CDKN2B-AS1: variants seen among roughly 807,000 people sequenced by gnomAD.
CDKN2B-AS1 encodes the protein CDKN2B antisense RNA 1 (non-protein coding).
At chr9:22,120,468 T>G (rs1826068877) in intron 4 of CDKN2B-AS1, 1 of 146,976 alleles carries the variant, frequency 6.8e-6, no homozygotes, top group Non-Finnish European at 1.5e-5. Context: ...CTGTCACTAT[T>G]GTAAGCACTT....
At chr9:22,124,302 T>C (rs1482166699) in intron 4 of CDKN2B-AS1, among the ~76,000 whole-genome samples, 3 of 152,166 alleles carry the variant, frequency 2.0e-5, no homozygotes, top group Admixed American at 2.0e-4. Flanking sequence ...GTAGACAAAA[T>C]GTAGAGGTAG....
chr9:21,998,375 T>C, intron 1 of CDKN2B-AS1, among the ~76,000 whole-genome samples: 1 of 152,236 alleles, frequency 6.6e-6, no homozygotes, highest in East Asian at 1.9e-4. Context: ...AAATTGGGAT[T>C]ATTACTCCTG....
intron 4 of CDKN2B-AS1, among the ~76,000 whole-genome samples, chr9:22,076,935 T>A (rs892434550): frequency 3.9e-5 from 6 of 152,180 alleles, no homozygotes; most frequent in African/African-American, 1.4e-4. Flanking sequence ...TCTGCCCACC[T>A]CAGCCTCCCA....
At chr9:22,090,807 C>A (rs1825054511) in intron 4 of CDKN2B-AS1, among the ~76,000 whole-genome samples, 1 of 152,132 alleles carries the variant, frequency 6.6e-6, no homozygotes, top group African/African-American at 2.4e-5. Context: ...GTTTCTTTTG[C>A]TGTGCAGAAG....
chr9:22,007,646 T>C (rs1587385309), intron 1 of CDKN2B-AS1, among the ~76,000 whole-genome samples: 1 of 152,166 alleles, frequency 6.6e-6, no homozygotes, highest in Non-Finnish European at 1.5e-5. Flanking sequence ...GCTTGTTTCA[T>C]TAATATTAGA....
chr9:22,008,023 G>A (rs974635439), intron 1 of CDKN2B-AS1, among the ~76,000 whole-genome samples: 1 of 152,062 alleles, frequency 6.6e-6, no homozygotes, highest in Non-Finnish European at 1.5e-5. Context: ...CAAAAGAGTT[G>A]TCCGAGATTG....
At chr9:22,051,709 AT>A (rs1823352419) in intron 3 of CDKN2B-AS1, among the ~76,000 whole-genome samples, 2 of 152,184 alleles carry the variant, frequency 1.3e-5, no homozygotes, top group Admixed American at 1.3e-4. Flanking sequence ...CTTACATTTC[AT>A]AAAAAGTTGG....
intron 4 of CDKN2B-AS1, among the ~76,000 whole-genome samples, chr9:22,081,398 G>T (rs10116277): frequency 0.62 from 93,730 of 151,772 alleles, 31,377 homozygotes; most frequent in African/African-American, 0.89. Context: ...CAGAGTGTAG[G>T]AGATTTATGA....
chr9:22,123,760 A>G (rs1364324314), intron 4 of CDKN2B-AS1, among the ~76,000 whole-genome samples: 1 of 152,184 alleles, frequency 6.6e-6, no homozygotes, highest in Non-Finnish European at 1.5e-5. Context: ...GTGTTGTTCC[A>G]GGGGACAGAA....
chr9:22,085,897 A>T (rs377139255), intron 4 of CDKN2B-AS1, among the ~76,000 whole-genome samples: 1 of 149,992 alleles, frequency 6.7e-6, no homozygotes, highest in Non-Finnish European at 1.5e-5. Flanking sequence ...ATTTCTTTGC[A>T]TCTCGTAGCC....
At chr9:22,054,057 A>G (rs1370930895) in intron 3 of CDKN2B-AS1, among the ~76,000 whole-genome samples, 2 of 152,214 alleles carry the variant, frequency 1.3e-5, no homozygotes, top group African/African-American at 4.8e-5. Flanking sequence ...GGAAATTATA[A>G]TAATAACCTT....
At chr9:22,127,565 T>C (rs1818036912) in exon 5 of CDKN2B-AS1, among the ~76,000 whole-genome samples, 1 of 152,016 alleles carries the variant, frequency 6.6e-6, no homozygotes. Context: ...ATGGTTTGGG[T>C]GAGCATTTTT....
chr9:22,029,547 G>A (rs748141487), intron 1 of CDKN2B-AS1: 2 of 779,102 alleles, frequency 2.6e-6, no homozygotes, highest in East Asian at 2.4e-5. Flanking sequence ...GACTTTCTTT[G>A]TGGTAGTTAG....
chr9:22,105,214 A>C (rs1251160652), intron 4 of CDKN2B-AS1, among the ~76,000 whole-genome samples: 1 of 152,222 alleles, frequency 6.6e-6, no homozygotes, highest in African/African-American at 2.4e-5. Flanking sequence ...AGGCAGCTGC[A>C]CATATGAAGA....
rs996814182 is a variant in CDKN2B-AS1 at position 22,036,247 on chromosome 9, AAGATAATGCTT to A, written n.30-10503_30-10493del. 4.4e-4 allele frequency among the ~76,000 whole-genome samples: 67 copies of A among 152,080 alleles called. 1 individual carries two copies. Among genetic ancestry groups the A allele is most frequent in the Non-Finnish European group, 2.8e-4 (19 of 67,976 alleles). ...AATTAGATTGAATGCTGTAAACATG[AAGATAATGCTT>A]GCAAAGTAGCTACAGAGAAAGAGAA... On this transcript the variant is annotated intron_variant and non_coding_transcript_variant, in intron 1 of 4. Transcript: ENST00000650946.
intron 4 of CDKN2B-AS1, among the ~76,000 whole-genome samples, chr9:22,067,143 A>C (rs1824076894): frequency 6.6e-6 from 1 of 152,178 alleles, no homozygotes; most frequent in Non-Finnish European, 1.5e-5. Context: ...CAGCACACCA[A>C]CATAGCACAT....
intron 4 of CDKN2B-AS1, among the ~76,000 whole-genome samples, chr9:22,102,754 G>A (rs895292972): frequency 1.5e-4 from 23 of 152,144 alleles, no homozygotes; most frequent in African/African-American, 5.1e-4. Context: ...TTTCTGCTAA[G>A]TGAGGGCATG....
At chr9:22,054,368 C>A (rs1587464336) in intron 3 of CDKN2B-AS1, among the ~76,000 whole-genome samples, 1 of 152,156 alleles carries the variant, frequency 6.6e-6, no homozygotes, top group South Asian at 2.1e-4. Flanking sequence ...TTAGTGGTAT[C>A]TATTATTAAA....
intron 4 of CDKN2B-AS1, among the ~76,000 whole-genome samples, chr9:22,122,873 G>A (rs947773624): frequency 6.6e-6 from 1 of 151,930 alleles, no homozygotes; most frequent in Non-Finnish European, 1.5e-5. Flanking sequence ...TGCTTTGGCT[G>A]TTTGGGGTCT....
Sources: gnomAD v4.1 joint callset for allele counts (sites outside exome capture counted in the v4.1 genomes callset) on GRCh38, gnomAD v4.1.1 for gene constraint, MANE v1.5 for transcripts, NCBI Gene and HGNC (gene_info 2026-07-23, HGNC 2026-07-21) for gene names.